The following SH3GL3 variants were observed in gnomAD, a reference collection of about 807,000 sequenced individuals.
SH3GL3 encodes endophilin-A3.
Under a neutral mutation model 47.7 loss-of-function variants are expected in SH3GL3, and 33 were observed. The observed-to-expected ratio is 0.69, with a 90% CI of 0.52 to 0.92. The LOEUF is 0.92. Among genes scored for constraint, SH3GL3 ranks in the 40% least tolerant of loss-of-function variants. SH3GL3 has a pLI of 0.00. For synonymous variants in SH3GL3, 155 were observed against 148.8 expected (o/e 1.04, Z -0.30); for missense variants, 363 against 417.8 (o/e 0.87, Z 1.14).
intron 1 of SH3GL3, among the ~76,000 whole-genome samples, chr15:83,492,711 C>T (rs992971434): frequency 3.3e-5 from 5 of 152,228 alleles, no homozygotes; most frequent in Non-Finnish European, 5.9e-5. Flanking sequence ...AATACCCCAG[C>T]TTCCTTCCCT....
chr15:83,483,959 T>C (rs530249419), intron 1 of SH3GL3, among the ~76,000 whole-genome samples: 2 of 152,332 alleles, frequency 1.3e-5, no homozygotes, highest in African/African-American at 4.8e-5. Flanking sequence ...CCAGGGAGAA[T>C]GTTGGTGCTA....
chr15:83,465,352 A>G (rs2040523359), intron 1 of SH3GL3, among the ~76,000 whole-genome samples: 3 of 151,626 alleles, frequency 2.0e-5, no homozygotes, highest in Admixed American at 1.3e-4. Flanking sequence ...AAAAACATGT[A>G]TCTCAGACCA....
chr15:83,561,870 G>A (rs1243156899), intron 2 of SH3GL3, among the ~76,000 whole-genome samples: 3 of 152,166 alleles, frequency 2.0e-5, no homozygotes, highest in Admixed American at 2.0e-4. Context: ...CAGGGTGCCA[G>A]CATTAAACAG....
At chr15:83,591,207 T>C (rs2060087271) in intron 8 of SH3GL3, among the ~76,000 whole-genome samples, 1 of 152,050 alleles carries the variant, frequency 6.6e-6, no homozygotes, top group African/African-American at 2.4e-5. Context: ...GGGGTTTCAC[T>C]GTGTTGGCCA....
chr15:83,460,063 T>A (rs1221791473), intron 1 of SH3GL3, among the ~76,000 whole-genome samples: 22 of 97,620 alleles, frequency 2.3e-4, no homozygotes, highest in Non-Finnish European at 3.7e-4. Flanking sequence ...CCTGCCTCCC[T>A]CCCTCCCTTC....
intron 6 of SH3GL3, among the ~76,000 whole-genome samples, chr15:83,586,585 C>T (rs537759583): frequency 8.5e-5 from 13 of 152,246 alleles, no homozygotes; most frequent in South Asian, 2.1e-4. Context: ...CTAGAAAGTG[C>T]GTGTTGAGAC....
chr15:83,615,757 G>A (rs183954336), intron 8 of SH3GL3, among the ~76,000 whole-genome samples: 2 of 152,262 alleles, frequency 1.3e-5, no homozygotes, highest in African/African-American at 4.8e-5. Context: ...GGCAATACTT[G>A]AAATCACTGG....
At chr15:83,513,106 G>A (rs962250125) in intron 1 of SH3GL3, among the ~76,000 whole-genome samples, 1 of 152,178 alleles carries the variant, frequency 6.6e-6, no homozygotes, top group Non-Finnish European at 1.5e-5. Flanking sequence ...TTTTTCCGCT[G>A]TGTGTATTTG....
chr15:83,580,508 G>A (rs970422601), intron 6 of SH3GL3, among the ~76,000 whole-genome samples: 2 of 152,204 alleles, frequency 1.3e-5, no homozygotes, highest in African/African-American at 4.8e-5. Flanking sequence ...GGGAAGTTTG[G>A]GGATGTCAGT....
At position 83,447,490 on chromosome 15, in the gene SH3GL3, A is replaced by C; in HGVS notation, c.-44A>C. The C allele has an allele frequency of 6.8e-7, 1 of 1,469,800 alleles. No homozygotes were observed. Among genetic ancestry groups the C allele is most frequent in the Non-Finnish European group, 9.0e-7 (1 of 1,105,672 alleles). The allele number at this position is 1,469,800 out of a possible 1,614,324, so 91.0% of individuals were successfully genotyped here. A position where few individuals can be genotyped will look rare whatever the true frequency, so the allele number is the denominator to read the frequency against. ...CGAGCGCGTCGCGGCCGCGTGGCCC[A>C]GCCGAGCCTTGAGACCACCCCGCCC... On this transcript the variant is annotated 5_prime_UTR_variant, in exon 1 of 9. Transcript: ENST00000427482. This position sits in a 1 kb window ranked among gnomAD's most constrained non-coding sequence, Gnocchi z 5.1.
At chr15:83,518,568 TC>T (rs1555487609) in intron 1 of SH3GL3, among the ~76,000 whole-genome samples, 1 of 152,184 alleles carries the variant, frequency 6.6e-6, no homozygotes, top group Non-Finnish European at 1.5e-5. Flanking sequence ...TTTATTTTGC[TC>T]ATTTTTCAAT....
chr15:83,479,580 C>T (rs190502931), intron 1 of SH3GL3, among the ~76,000 whole-genome samples: 28 of 152,318 alleles, frequency 1.8e-4, no homozygotes, highest in Non-Finnish European at 3.2e-4. Context: ...ACCAACTGCC[C>T]TGCCCATCAT....
intron 8 of SH3GL3, among the ~76,000 whole-genome samples, chr15:83,606,219 A>G (rs1234158683): frequency 6.6e-6 from 1 of 152,156 alleles, no homozygotes; most frequent in Non-Finnish European, 1.5e-5. Flanking sequence ...GTTGAAATAA[A>G]TCTCCCAAAT....
intron 8 of SH3GL3, among the ~76,000 whole-genome samples, chr15:83,614,618 C>T (rs1016613235): frequency 2.6e-5 from 4 of 152,082 alleles, no homozygotes; most frequent in Admixed American, 2.0e-4. Flanking sequence ...ATACTGATGC[C>T]GGGTTCACCC....
intron 1 of SH3GL3, among the ~76,000 whole-genome samples, chr15:83,492,508 C>T (rs909912225): frequency 6.6e-6 from 1 of 152,118 alleles, no homozygotes; most frequent in Non-Finnish European, 1.5e-5. Flanking sequence ...CCTACCTTCA[C>T]TCCACTTCTA....
chr15:83,526,164 A>G (rs370900944), intron 1 of SH3GL3, among the ~76,000 whole-genome samples: 2 of 152,180 alleles, frequency 1.3e-5, no homozygotes, highest in South Asian at 2.1e-4. Context: ...TAAAAAGTCA[A>G]AAAAATCACA....
chr15:83,573,924 T>C (rs2059600816), intron 5 of SH3GL3, among the ~76,000 whole-genome samples: 1 of 152,120 alleles, frequency 6.6e-6, no homozygotes, highest in Admixed American at 6.5e-5. Flanking sequence ...CTTTGACAGT[T>C]GTTGGAGAGA....
chr15:83,566,714 C>T (rs2045564314), intron 3 of SH3GL3, among the ~76,000 whole-genome samples: 1 of 152,042 alleles, frequency 6.6e-6, no homozygotes, highest in Non-Finnish European at 1.5e-5. Context: ...AGTTTGTGGC[C>T]ACAGTGAGCC....
Position 83,543,374 on chromosome 15 carries a change from G to A in SH3GL3, c.46-15879G>A, listed in dbSNP as rs185462706. The stretch of plus-strand genomic sequence containing the variant: ...TCTTTTTCTTGTGTTGCCAAATTCA[G>A]TTTGGTAGTAGTTTGTTGGGGATTT... On this transcript the variant is annotated intron_variant, in intron 1 of 8. Coordinates refer to ENST00000427482, the MANE Select transcript of SH3GL3 (RefSeq NM_003027.5). Among the ~76,000 whole-genome samples, 34 of 152,154 alleles carry A rather than the reference G, an allele frequency of 2.2e-4. No homozygotes were observed. The East Asian group carries it at 6.4e-3, about 28-fold the overall frequency.
Sources: allele counts gnomAD v4.1 joint callset (sites outside exome capture counted in the v4.1 genomes callset), GRCh38; gene constraint gnomAD v4.1.1; non-coding constraint Gnocchi (gnomAD v3.1); transcripts MANE v1.5; gene names NCBI Gene and HGNC (gene_info 2026-07-23, HGNC 2026-07-21).